Variants in PLSCR2 observed in about 807,000 individuals in gnomAD.
PLSCR2 encodes phospholipid scramblase 2.
Under a neutral mutation model 25.3 loss-of-function variants are expected in PLSCR2, and 18 were observed. The ratio of observed to expected loss-of-function variants is 0.71; its 90% CI spans 0.49 to 1.06. The LOEUF is 1.06. Among genes scored for constraint, PLSCR2 ranks in the 50% least tolerant of loss-of-function variants. The pLI is 0.00. For synonymous variants in PLSCR2, 88 were observed against 87.3 expected, an observed-to-expected ratio of 1.01 and a Z score of -0.04; for missense variants, 243 against 269.5, an observed-to-expected ratio of 0.90 and a Z score of 0.69.
chr3:146,404,821 A>AAAGT lies in PLSCR2; in HGVS notation c.101-8901_101-8900insACTT, dbSNP rs71158238. ...AGGAAGAAATAGGCAAAAAAAAAAAAGGGGGGGGGTGGTGGTTAACTGGTC... is the reference window on the plus strand; with the variant it reads ...AGGAAGAAATAGGCAAAAAAAAAAAAAAGTGGGGGGGGGTGGTGGTTAACTGGTC... On this transcript the variant is annotated intron_variant and NMD_transcript_variant, in intron 2 of 3. Transcript: ENST00000463633. Among the ~76,000 whole-genome samples the AAAGT allele has an allele frequency of 1.4e-4, 17 of 124,746 alleles. No individual in the cohort carries two copies. In the South Asian group the frequency reaches 4.2e-3, roughly 31 times the overall value. The allele number at this position is 124,746 out of a possible 152,430, so 81.8% of individuals were successfully genotyped here.
intron 1 of PLSCR2, among the ~76,000 whole-genome samples, chr3:146,472,418 C>T (rs1434572975): frequency 6.6e-6 from 1 of 152,084 alleles, no homozygotes; most frequent in Non-Finnish European, 1.5e-5. Flanking sequence ...AAGAAAATAC[C>T]ATAGTCTGGG....
chr3:146,429,769 G>T (rs1181169764), downstream of PLSCR2, among the ~76,000 whole-genome samples: 2 of 151,988 alleles, frequency 1.3e-5, no homozygotes, highest in East Asian at 3.9e-4. Flanking sequence ...GGGACTATAG[G>T]CGCCCGCCAC....
At position 146,417,706 on chromosome 3, in the gene PLSCR2, G is replaced by C. The variant is rs1027796580; in HGVS notation, c.101-21785C>G. On this transcript the variant is annotated intron_variant and NMD_transcript_variant, in intron 2 of 3. Transcript: ENST00000463633. ...CTGACTTTAGTTAGCAACATGTATT[G>C]TATATTTCAAAGTAGTTAGAAGAGA... 3.9e-5 allele frequency among the ~76,000 whole-genome samples: 6 copies of C among 152,112 alleles called. 1 individual carries two copies. The highest frequency in any genetic ancestry group is 1.4e-4 in the African/African-American group (6 of 41,436).
chr3:146,408,852 A>C (rs1213829463), intron 2 of PLSCR2, among the ~76,000 whole-genome samples: 3 of 152,158 alleles, frequency 2.0e-5, no homozygotes, highest in African/African-American at 7.2e-5. Flanking sequence ...AATCATCTAA[A>C]GCTCTCCTTC....
downstream of PLSCR2, among the ~76,000 whole-genome samples, chr3:146,439,462 C>A (rs370939803): frequency 3.3e-5 from 5 of 152,130 alleles, no homozygotes; most frequent in African/African-American, 1.2e-4. Flanking sequence ...TTCTTGGAGG[C>A]TTTTTTCATT....
intron 2 of PLSCR2, among the ~76,000 whole-genome samples, chr3:146,417,226 T>G (rs1335436637): frequency 1.3e-5 from 2 of 152,090 alleles, no homozygotes; most frequent in African/African-American, 4.8e-5. Flanking sequence ...AGCTCAAAAT[T>G]TAAGAGGAGG....
At chr3:146,446,525 G>A (rs1243258098) in intron 6 of PLSCR2, among the ~76,000 whole-genome samples, 3 of 152,062 alleles carry the variant, frequency 2.0e-5, no homozygotes, top group African/African-American at 7.2e-5. Context: ...GCGTCTCTGT[G>A]CTGAGCTGCC....
chr3:146,433,068 T>G (rs1381296956), downstream of PLSCR2, among the ~76,000 whole-genome samples: 2 of 152,220 alleles, frequency 1.3e-5, no homozygotes, highest in African/African-American at 2.4e-5. Flanking sequence ...TTAATCTTAC[T>G]TCTGGGAGAA....
At chr3:146,416,550 G>A (rs77199737) in intron 2 of PLSCR2, 322 of 152,192 alleles carry the variant, frequency 2.1e-3, no homozygotes, top group African/African-American at 7.6e-3. Flanking sequence ...TATTGTCTCT[G>A]GTGTAGACAA....
downstream of PLSCR2, among the ~76,000 whole-genome samples, chr3:146,438,549 G>A (rs1298951142): frequency 1.3e-5 from 2 of 152,040 alleles, no homozygotes; most frequent in Non-Finnish European, 2.9e-5. Context: ...TGTCTCTTTT[G>A]ATCTTTGTTG....
intron 1 of PLSCR2, among the ~76,000 whole-genome samples, chr3:146,483,509 A>ACATGTGTATATATATATATATATATAT (rs1553791539): frequency 7.9e-6 from 1 of 127,074 alleles, no homozygotes; most frequent in Non-Finnish European, 1.7e-5. Flanking sequence ...ATATATATAT[A>ACATGTGTATATATATATATATATATAT]ATGTTACTAC....
At chr3:146,437,694 T>A (rs565862591), downstream of PLSCR2, among the ~76,000 whole-genome samples, 1 of 152,284 alleles carries the variant, frequency 6.6e-6, no homozygotes, top group Admixed American at 6.5e-5. Flanking sequence ...TAGTCATCTA[T>A]CAATTTTGTT....
intron 1 of PLSCR2, among the ~76,000 whole-genome samples, chr3:146,490,348 C>A (rs1046193848): frequency 5.9e-5 from 9 of 152,124 alleles, no homozygotes; most frequent in African/African-American, 1.9e-4. Flanking sequence ...GCTGAGAGCT[C>A]TCTGCATTCT....
intron 1 of PLSCR2, among the ~76,000 whole-genome samples, chr3:146,475,593 A>T (rs1399776056): frequency 6.6e-6 from 1 of 152,124 alleles, no homozygotes; most frequent in East Asian, 1.9e-4. Context: ...ACTTTCCTCA[A>T]CTAATTATAT....
At chr3:146,453,566 C>T (rs555736837) in intron 5 of PLSCR2, among the ~76,000 whole-genome samples, 1 of 151,920 alleles carries the variant, frequency 6.6e-6, no homozygotes, top group Non-Finnish European at 1.5e-5. Flanking sequence ...ACTATCTTTG[C>T]CAAATTGGGC....
At chr3:146,436,313 G>C (rs1298075812) in intron 8 of PLSCR2, among the ~76,000 whole-genome samples, 3 of 152,048 alleles carry the variant, frequency 2.0e-5, no homozygotes, top group African/African-American at 7.2e-5. Context: ...TGTGAAGAAA[G>C]TTCATTGGTA....
chr3:146,438,256 C>T (rs1445091100), downstream of PLSCR2, among the ~76,000 whole-genome samples: 2 of 152,064 alleles, frequency 1.3e-5, no homozygotes, highest in Non-Finnish European at 2.9e-5. Flanking sequence ...TTCTGTTGAT[C>T]TGGGGTGGAG....
At position 146,403,817 on chromosome 3, in the gene PLSCR2, C is replaced by T. The variant is rs112430370; in HGVS notation, c.101-7896G>A. On this transcript the variant is annotated intron_variant and NMD_transcript_variant, in intron 2 of 3. Transcript: ENST00000463633. ...GCATCTGGTAAGGGCCTTCTTACTA[C>T]ATCATGTTAAATATAAATTCTAAAT... Among the ~76,000 whole-genome samples the T allele has an allele frequency of 3.6e-3, 547 of 152,256 alleles. 4 individuals are homozygous for T. Among genetic ancestry groups the T allele is most frequent in the African/African-American group, 0.012 (494 of 41,550 alleles).
chr3:146,492,857 CA>C (rs1034733524), intron 1 of PLSCR2, among the ~76,000 whole-genome samples: 3 of 151,616 alleles, frequency 2.0e-5, no homozygotes, highest in African/African-American at 7.3e-5. Flanking sequence ...TAACTTAGAC[CA>C]AAACTTGGTT....
Sources: allele counts gnomAD v4.1 joint callset (sites outside exome capture counted in the v4.1 genomes callset), GRCh38; gene constraint gnomAD v4.1.1; transcripts MANE v1.5; gene names NCBI Gene and HGNC (gene_info 2026-07-23, HGNC 2026-07-21).